The following IGSF10 variants were observed in gnomAD, a reference collection of about 807,000 sequenced individuals.
IGSF10 encodes calvaria mechanical force protein 608.
IGSF10 carries 126 observed loss-of-function variants against 128.2 expected under a neutral mutation model. The ratio of observed to expected loss-of-function variants is 0.98; its 90% confidence interval spans 0.85 to 1.14. The LOEUF is 1.14. Ranked by LOEUF, IGSF10 falls within the 50% of genes most tolerant of loss-of-function variation. IGSF10 has a pLI of 0.00. For synonymous variants in IGSF10, 1,185 were observed against 1,146.2 expected (o/e 1.03, Z -0.68); for missense variants, 3,295 against 3,149.8 (o/e 1.05, Z -1.10).
At chr3:151,499,215 T>A in the IGSF10 span, among the ~76,000 whole-genome samples, 83 of 152,154 alleles carry the variant, frequency 5.5e-4, no homozygotes, top group Admixed American at 2.7e-3. Flanking sequence ...CCCTGAACAA[T>A]TCCTTTATTT....
chr3:151,535,679 G>A, the IGSF10 span, among the ~76,000 whole-genome samples: 4 of 152,064 alleles, frequency 2.6e-5, no homozygotes, highest in East Asian at 5.8e-4. Context: ...TATATATAAA[G>A]TATGGTAGGT....
chr3:151,447,446 A>C lies in IGSF10; in HGVS notation c.2535T>G (p.Val845=). 1 of 1,614,168 alleles carries C rather than the reference A, an allele frequency of 6.2e-7. No individual in the cohort carries two copies. The highest frequency in any genetic ancestry group is 1.1e-5 in the South Asian group (1 of 91,086). The part of the protein sequence containing the change: ...NINYGTEFSP[V]VNSQILPPEE... ...CAGGTGGTAGTATTTGTGAATTCACAACAGGAGAGAATTCTGTGCCATAAT... is the reference window on the plus strand; with the variant it reads ...CAGGTGGTAGTATTTGTGAATTCACCACAGGAGAGAATTCTGTGCCATAAT... Residue 845 remains valine, a synonymous_variant, in exon 6 of 8, where the codon GTT becomes GTG. Coordinates refer to ENST00000282466, the MANE Select transcript of IGSF10 (RefSeq NM_178822.5).
the IGSF10 span, among the ~76,000 whole-genome samples, chr3:151,609,746 C>A: frequency 6.6e-6 from 1 of 152,066 alleles, no homozygotes; most frequent in Non-Finnish European, 1.5e-5. Context: ...AAACAGAAAA[C>A]CAAATACCAC....
chr3:151,440,437 T>C (rs1267838173), intron 7 of IGSF10: 2 of 390,574 alleles, frequency 5.1e-6, no homozygotes, highest in Non-Finnish European at 1.0e-5. Flanking sequence ...CTCTGGCATA[T>C]AAACCAAAGT....
chr3:151,444,068 G>A (rs1465853089), intron 6 of IGSF10, among the ~76,000 whole-genome samples, 184 bp from the exon 7 acceptor site: 1 of 152,068 alleles, frequency 6.6e-6, no homozygotes, highest in African/African-American at 2.4e-5. Flanking sequence ...AAGCCCAGGA[G>A]TTCAAGACCA....
chr3:151,445,350 G>C lies in IGSF10; in HGVS notation c.4631C>G (p.Ser1544Cys). The change falls in exon 6 of 8, where the codon TCT (serine) becomes TGT (cysteine). Residue 1544 changes from serine to cysteine, a missense_variant. Transcript: ENST00000282466. ...FTIGTTHFIY[S>C]NLLHSTPMPA... ...CATGGGAGTAGAATGTAACAGATTA[G>C]AGTAGATGAAGTGAGTGGTTCCAAT... 11 of 1,614,222 alleles carry C rather than the reference G, an allele frequency of 6.8e-6. No homozygotes were observed. The highest frequency in any genetic ancestry group is 1.1e-5 in the South Asian group (1 of 91,090).
the IGSF10 span, among the ~76,000 whole-genome samples, chr3:151,585,300 C>CT: frequency 6.6e-6 from 1 of 152,058 alleles, no homozygotes; most frequent in Non-Finnish European, 1.5e-5. Flanking sequence ...TCATTTTACT[C>CT]TTTCTAATGT....
At chr3:151,442,147 G>T (rs1281512294) in intron 7 of IGSF10, among the ~76,000 whole-genome samples, 3 of 152,122 alleles carry the variant, frequency 2.0e-5, no homozygotes, top group Non-Finnish European at 4.4e-5. Flanking sequence ...GAATGCGGGG[G>T]CCCTGAATAT....
At chr3:151,604,592 AACAC>A in the IGSF10 span, among the ~76,000 whole-genome samples, 36,280 of 144,354 alleles carry the variant, frequency 0.25, 4,839 homozygotes, top group African/African-American at 0.37. Flanking sequence ...GTACCAATAT[AACAC>A]ACACACACAC....
At chr3:151,525,979 G>A in the IGSF10 span, among the ~76,000 whole-genome samples, 1 of 152,132 alleles carries the variant, frequency 6.6e-6, no homozygotes, top group Non-Finnish European at 1.5e-5. Context: ...ATGTACACCG[G>A]GGAGCGGGAA....
At chr3:151,488,527 G>A in the IGSF10 span, among the ~76,000 whole-genome samples, 1 of 152,142 alleles carries the variant, frequency 6.6e-6, no homozygotes. Context: ...ATAATCCTAA[G>A]CAAAAAGAAC....
the IGSF10 span, among the ~76,000 whole-genome samples, chr3:151,611,199 A>C: frequency 5.9e-5 from 9 of 152,234 alleles, no homozygotes; most frequent in South Asian, 1.7e-3. Context: ...ACATATGTTC[A>C]AAGAAACCTT....
the IGSF10 span, among the ~76,000 whole-genome samples, chr3:151,555,640 C>T: frequency 1.3e-5 from 2 of 152,076 alleles, no homozygotes; most frequent in African/African-American, 4.8e-5. Flanking sequence ...GAGAACAGGG[C>T]CTGTTTCAAA....
At position 151,448,288 on chromosome 3, in the gene IGSF10, T is replaced by C. The variant is rs1421549597; in HGVS notation, c.1693A>G (p.Arg565Gly). ...NYDDADILTY[R>G]ITVVEPLVEA... ...ACCAAAGGTTCTACCACAGTTATCC[T>C]ATAGGTGAGAATATCTGCATCATCA... is the stretch of plus-strand genomic sequence containing the variant. Residue 565 changes from arginine (R) to glycine (G), a missense_variant, in exon 6 of 8, where the codon AGG (arginine) becomes GGG (glycine). Physicochemically the swap from Arg to Gly is moderately radical, Grantham distance 125. Coordinates refer to ENST00000282466, the MANE Select transcript of IGSF10 (RefSeq NM_178822.5). 1 of 1,614,110 alleles carries C rather than the reference T, an allele frequency of 6.2e-7. No individual in the cohort carries two copies. Among genetic ancestry groups the C allele is most frequent in the African/African-American group, 1.3e-5 (1 of 74,942 alleles).
In IGSF10 at chr3:151,448,968, G is replaced by A; in HGVS notation, c.1013C>T (p.Ser338Leu). The A allele has an allele frequency of 1.2e-6, 2 of 1,614,238 alleles. No homozygotes were observed. Among genetic ancestry groups the A allele is most frequent in the Non-Finnish European group, 1.7e-6 (2 of 1,180,036 alleles). ...ANMVCSIQKPSRTSPIAFTEE... is the reference protein window; with the variant it reads ...ANMVCSIQKPLRTSPIAFTEE... ...AGTGAATGCAATGGGTGATGTCCTT[G>A]AGGGCTTTTGAATACTGCAGACCAT... The change falls in exon 6 of 8, where the codon TCA becomes TTA. Residue 338 changes from serine (S) to leucine (L), a missense_variant. Transcript: ENST00000282466.
At chr3:151,497,307 A>C in the IGSF10 span, among the ~76,000 whole-genome samples, 1 of 152,140 alleles carries the variant, frequency 6.6e-6, no homozygotes, top group Admixed American at 6.5e-5. Context: ...TTATGGCTTT[A>C]GGTCTAACTT....
intron 7 of IGSF10, 56 bp downstream of exon 7, chr3:151,442,923 TCAGAA>T: frequency 6.8e-7 from 1 of 1,462,270 alleles, no homozygotes; most frequent in South Asian, 1.4e-5. Context: ...TTTTTCCATT[TCAGAA>T]GTTGTACAGC....
chr3:151,455,456 T>G (rs575968061), intron 4 of IGSF10, among the ~76,000 whole-genome samples: 1 of 102,554 alleles, frequency 9.8e-6, no homozygotes, highest in Admixed American at 1.0e-4. Flanking sequence ...AAATAAAAAC[T>G]AATACCCATT....
the IGSF10 span, among the ~76,000 whole-genome samples, chr3:151,604,341 A>G: frequency 6.6e-6 from 1 of 152,118 alleles, no homozygotes; most frequent in South Asian, 2.1e-4. Context: ...TAAAATGAAC[A>G]TAAATAAGCT....
Sources: gnomAD v4.1 joint callset for allele counts (sites outside exome capture counted in the v4.1 genomes callset) on GRCh38, gnomAD v4.1.1 for gene constraint, MANE v1.5 for transcripts, NCBI Gene and HGNC (gene_info 2026-07-23, HGNC 2026-07-21) for gene names.